Variants in KMT5A observed in about 807,000 individuals in gnomAD.
KMT5A encodes N-lysine methyltransferase KMT5A.
Under a neutral mutation model 40.6 loss-of-function variants are expected in KMT5A, and 6 were observed. The observed-to-expected ratio is 0.15, with a 90% CI of 0.08 to 0.29. The LOEUF (loss-of-function observed/expected upper bound fraction) is 0.29, where lower values mean the gene tolerates loss of function less well. Among genes scored for constraint, KMT5A ranks in the 10% least tolerant of loss-of-function variants. The pLI is 1.00. For missense variants in KMT5A, 308 were observed against 459.1 expected (o/e 0.67, Z 3.01); for synonymous variants, 153 against 178.8 (o/e 0.86, Z 1.15).
At chr12:123,401,917 CTG>C (rs1878212258) in intron 5 of KMT5A, among the ~76,000 whole-genome samples, 1 of 152,168 alleles carries the variant, frequency 6.6e-6, no homozygotes. Context: ...GGGTCTCACT[CTG>C]TTGCCCAGGC....
At chr12:123,403,529 C>T (rs762020048) in intron 5 of KMT5A, 44 bp from the exon 6 acceptor site, 23 of 1,607,116 alleles carry the variant, frequency 1.4e-5, no homozygotes, top group Non-Finnish European at 1.9e-5. Flanking sequence ...GCACGATGGG[C>T]CTAGGAGAAG....
Position 123,384,607 on chromosome 12 carries a change from AAGG to A in KMT5A, c.10+403_10+405del, listed in dbSNP as rs1475696490. On this transcript the variant is annotated intron_variant, in intron 1 of 7. Coordinates refer to ENST00000402868, the MANE Select transcript of KMT5A (RefSeq NM_020382.7). This position sits in a 1 kb window ranked among gnomAD's most constrained non-coding sequence, Gnocchi z 5.7. ...ACTTTGGGGCCCTCTCTCTTTGGGAAAGGAGGTGATCCCGAGGCGAAGGCGCAG... is the reference window on the plus strand; with the variant it reads ...ACTTTGGGGCCCTCTCTCTTTGGGAAAGGTGATCCCGAGGCGAAGGCGCAG... Among the ~76,000 whole-genome samples the A allele has an allele frequency of 6.6e-6, 1 of 152,188 alleles. No individual in the cohort carries two copies. Among genetic ancestry groups the A allele is most frequent in the African/African-American group, 2.4e-5 (1 of 41,454 alleles).
At position 123,405,517 on chromosome 12, in the gene KMT5A, CTTTTT is replaced by C. The variant is rs35093204; in HGVS notation, c.848+465_848+469del. Among the ~76,000 whole-genome samples, 4 of 78,022 alleles carry C rather than the reference CTTTTT, an allele frequency of 5.1e-5. 1 individual carries two copies. The highest frequency in any genetic ancestry group is 1.7e-4 in the African/African-American group (3 of 17,256). The allele number at this position is 78,022 out of a possible 152,430, so 51.2% of individuals were successfully genotyped here. ...CTGTGATGCAATTATCGCCTGCTTC[CTTTTT>C]TTTTTTTTTTTTTTTTTTTTTGAAT... On this transcript the variant is annotated intron_variant, in intron 7 of 7. Transcript: ENST00000402868.
intron 3 of KMT5A, 176 bp downstream of exon 3, chr12:123,390,962 G>A: frequency 2.8e-6 from 2 of 722,986 alleles, no homozygotes; most frequent in Middle Eastern, 2.9e-4. Context: ...TGTGTGCCCT[G>A]TTGGTTTGAC....
intron 2 of KMT5A, among the ~76,000 whole-genome samples, chr12:123,389,761 C>T (rs924923084): frequency 6.6e-6 from 1 of 152,104 alleles, no homozygotes; most frequent in Non-Finnish European, 1.5e-5. Flanking sequence ...CGTGGCGTCT[C>T]CGCAGCCCAA....
At chr12:123,394,725 C>T (rs1168254380) in intron 3 of KMT5A, among the ~76,000 whole-genome samples, 1 of 152,212 alleles carries the variant, frequency 6.6e-6, no homozygotes, top group Non-Finnish European at 1.5e-5. Context: ...AGTCTGCAAC[C>T]TGATTCCTGA....
intron 7 of KMT5A, among the ~76,000 whole-genome samples, chr12:123,406,573 G>C (rs1032639454): frequency 3.3e-5 from 5 of 152,028 alleles, no homozygotes; most frequent in Non-Finnish European, 5.9e-5. Context: ...CTCAGCCTCC[G>C]AAAGTGCTGG....
At position 123,390,748 on chromosome 12, in the gene KMT5A, A is replaced by G. The variant is rs538887430; in HGVS notation, c.251A>G (p.Gln84Arg). The change falls in exon 3 of 8, where the codon CAG becomes CGG. Residue 84 changes from glutamine to arginine, a missense_variant. Physicochemically the swap from Gln to Arg is conservative, Grantham distance 43 (BLOSUM62 1). Around this residue, in one of 4 missense-constraint regions of KMT5A, gnomAD observed 127 missense variants for 129.8 expected, o/e 0.98. Coordinates refer to ENST00000402868, the MANE Select transcript of KMT5A (RefSeq NM_020382.7). ...NSVTHHEVKC[Q>R]GKPLAGIYRK... is the part of the protein sequence containing the mutation. ...GTTACACATCACGAAGTCAAATGCC[A>G]GGGGAAACCATTAGCCGGAATCTAC... 5.6e-6 allele frequency: 9 copies of G among 1,613,946 alleles called. No homozygotes were observed. In the East Asian group the frequency reaches 1.8e-4, roughly 32 times the overall value.
chr12:123,407,325 C>T (rs769419718), intron 7 of KMT5A, among the ~76,000 whole-genome samples, 168 bp from the exon 8 acceptor site: 10 of 152,108 alleles, frequency 6.6e-5, no homozygotes, highest in African/African-American at 9.7e-5. Flanking sequence ...GGTTACGGAG[C>T]GAGACCCCCT....
chr12:123,399,592 A>G (rs554483343), intron 5 of KMT5A, among the ~76,000 whole-genome samples: 1 of 152,310 alleles, frequency 6.6e-6, no homozygotes, highest in Admixed American at 6.5e-5. Flanking sequence ...CAAGGTGGTT[A>G]TGTGTGTGAT....
chr12:123,407,804 G>A lies in KMT5A; in HGVS notation c.*101G>A, dbSNP rs903369473. Reference sequence around the variant, plus strand: ...TTTTTTTTACACACTTAATCTTAGCGGATTACTTCAGATGTTTTTAAAAAG... The same window carrying A: ...TTTTTTTTACACACTTAATCTTAGCAGATTACTTCAGATGTTTTTAAAAAG... On this transcript the variant is annotated 3_prime_UTR_variant, in exon 8 of 8. Transcript: ENST00000402868. The A allele has an allele frequency of 4.2e-6, 3 of 717,728 alleles. No individual in the cohort carries two copies. Among genetic ancestry groups the A allele is most frequent in the African/African-American group, 3.6e-5 (2 of 55,758 alleles). 44.5% of individuals were successfully genotyped at this position (717,728 alleles called of 1,614,324 possible).
At position 123,407,967 on chromosome 12, in the gene KMT5A, G is replaced by A. The variant is rs1878682423; in HGVS notation, c.*264G>A. 6 of 432,634 alleles carry A rather than the reference G, an allele frequency of 1.4e-5. No individual in the cohort carries two copies. The highest frequency in any genetic ancestry group is 2.5e-5 in the Non-Finnish European group (6 of 238,186). 26.8% of individuals were successfully genotyped at this position (432,634 alleles called of 1,614,324 possible). The stretch of plus-strand genomic sequence containing the variant: ...TACTTTTTTTGCATACAAGCCGAAC[G>A]TTTGTGCTTCCCGTGCATGCAGTCA... On this transcript the variant is annotated 3_prime_UTR_variant, in exon 8 of 8. Transcript: ENST00000402868.
At chr12:123,406,061 T>C in intron 7 of KMT5A, among the ~76,000 whole-genome samples, 1 of 152,148 alleles carries the variant, frequency 6.6e-6, no homozygotes, top group Non-Finnish European at 1.5e-5. Context: ...CCTTGTGACC[T>C]GCCCACCTTG....
rs1878727307 is a variant in KMT5A at position 123,408,361 on chromosome 12, A to C, written c.*658A>C. The C allele has an allele frequency of 6.6e-6, 1 of 152,530 alleles. No individual in the cohort carries two copies. The highest frequency in any genetic ancestry group is 2.1e-4 in the South Asian group (1 of 4,832). The allele number at this position is 152,530 out of a possible 1,614,324, so 9.4% of individuals were successfully genotyped here. A position where few individuals can be genotyped will look rare whatever the true frequency, so the allele number is the denominator to read the frequency against. ...GCACCTTGAAGCATCAGGGCGTGAA[A>C]TCAAACTAGATGTGGGCAGGGAGAG... On this transcript the variant is annotated 3_prime_UTR_variant, in exon 8 of 8. Transcript: ENST00000402868.
chr12:123,401,028 C>T (rs1257621746), intron 5 of KMT5A, among the ~76,000 whole-genome samples: 3 of 151,502 alleles, frequency 2.0e-5, no homozygotes, highest in African/African-American at 7.3e-5. Context: ...CTCCTGACCT[C>T]AGGTGATCCA....
rs568772516 is a variant in KMT5A, at chr12:123,405,181, G to T, written c.848+107G>T. 29 of 1,186,260 alleles carry T rather than the reference G, an allele frequency of 2.4e-5. No homozygotes were observed. In the African/African-American group the frequency reaches 3.6e-4, roughly 15 times the overall value. 73.5% of individuals were successfully genotyped at this position (1,186,260 alleles called of 1,614,324 possible). A position where few individuals can be genotyped will look rare whatever the true frequency, so the allele number is the denominator to read the frequency against. ...GTTTGGTGGCCAGTCTTTTGGTTTT[G>T]TTGTTGTTGACTTTTTTTTTTTTAT... On this transcript the variant is annotated intron_variant, in intron 7 of 7. Coordinates refer to ENST00000402868, the MANE Select transcript of KMT5A (RefSeq NM_020382.7).
At chr12:123,392,951 A>C (rs1331912128) in intron 3 of KMT5A, among the ~76,000 whole-genome samples, 1 of 152,102 alleles carries the variant, frequency 6.6e-6, no homozygotes, top group Non-Finnish European at 1.5e-5. Context: ...ATCTCGGCTC[A>C]CTGCAACCTC....
At chr12:123,387,175 G>A (rs369696893) in intron 1 of KMT5A, among the ~76,000 whole-genome samples, 24 of 152,272 alleles carry the variant, frequency 1.6e-4, no homozygotes, top group South Asian at 1.5e-3. Flanking sequence ...TGTTATATAC[G>A]TATAAACTTG....
chr12:123,406,909 C>T (rs746495262), intron 7 of KMT5A, among the ~76,000 whole-genome samples: 6 of 151,226 alleles, frequency 4.0e-5, no homozygotes, highest in Non-Finnish European at 7.4e-5. Flanking sequence ...ATCCCAGTGA[C>T]TCAGGAGGCT....
Sources: allele counts gnomAD v4.1 joint callset (sites outside exome capture counted in the v4.1 genomes callset), GRCh38; gene constraint gnomAD v4.1.1; regional missense constraint gnomAD v4.1.1; non-coding constraint Gnocchi (gnomAD v3.1); transcripts MANE v1.5; gene names NCBI Gene and HGNC (gene_info 2026-07-23, HGNC 2026-07-21).